Variants in SGO2 observed in about 807,000 individuals in gnomAD.
The protein encoded by SGO2 is shugoshin-like 2.
Under a neutral mutation model 99.5 loss-of-function variants are expected in SGO2, and 68 were observed. The observed-to-expected ratio is 0.68, with a 90% CI of 0.56 to 0.84. The LOEUF is 0.84. Among genes scored for constraint, SGO2 ranks in the 40% least tolerant of loss-of-function variants. SGO2 has a pLI of 0.00. For synonymous variants in SGO2, 457 were observed against 487.1 expected (o/e 0.94, Z 0.81); for missense variants, 1,350 against 1,436.7 (o/e 0.94, Z 0.97).
intron 5 of SGO2, among the ~76,000 whole-genome samples, chr2:200,558,664 C>T (rs842931): frequency 0.79 from 120,127 of 151,312 alleles, 47,828 homozygotes; most frequent in Non-Finnish European, 0.83. Flanking sequence ...TATAGTATGC[C>T]GGTCACTGTA....
At chr2:200,581,578 C>A (rs1423359604) in intron 8 of SGO2, among the ~76,000 whole-genome samples, 1 of 152,086 alleles carries the variant, frequency 6.6e-6, no homozygotes, top group African/African-American at 2.4e-5. Flanking sequence ...ATCTTCAATA[C>A]CTATGATGAT....
chr2:200,529,932 A>G (rs1299633993), intron 1 of SGO2, among the ~76,000 whole-genome samples: 2 of 152,218 alleles, frequency 1.3e-5, no homozygotes, highest in Non-Finnish European at 2.9e-5. Context: ...GATGTTTCTA[A>G]ACAGCATTTA....
rs781112229 is a variant in SGO2, at chr2:200,542,606, G to C, written c.415G>C (p.Ala139Pro). The C allele has an allele frequency of 6.2e-7, 1 of 1,612,574 alleles. No homozygotes were observed. Among genetic ancestry groups the C allele is most frequent in the East Asian group, 2.2e-5 (1 of 44,748 alleles). The change falls in exon 5 of 9, where the codon GCT (alanine) becomes CCT (proline). Residue 139 changes from alanine (A) to proline (P), a missense_variant. By Grantham distance (27) the Ala-to-Pro change is conservative. Transcript: ENST00000357799. ...EFHQSSFLLSASKKKRISKQC... is the reference protein window; with the variant it reads ...EFHQSSFLLSPSKKKRISKQC... The stretch of plus-strand genomic sequence containing the variant: ...CCATCAGAGTTCCTTTCTACTGTCA[G>C]CTAGCAAGAAGAAACGAATTAGTAA...
intron 3 of SGO2, 85 bp downstream of exon 3, chr2:200,535,256 CA>C (rs1470663721): frequency 1.2e-5 from 15 of 1,242,350 alleles, no homozygotes; most frequent in Non-Finnish European, 1.5e-5. Context: ...AAATATTTTT[CA>C]AATCTCCAAT....
chr2:200,536,302 G>A (rs180852882), intron 4 of SGO2, among the ~76,000 whole-genome samples, 160 bp downstream of exon 4: 151 of 152,150 alleles, frequency 9.9e-4, no homozygotes, highest in African/African-American at 3.5e-3. Flanking sequence ...TTATCATTTT[G>A]TATAATTGGT....
chr2:200,545,066 G>C (rs923645004), intron 5 of SGO2, among the ~76,000 whole-genome samples: 2 of 152,152 alleles, frequency 1.3e-5, no homozygotes, highest in African/African-American at 4.8e-5. Flanking sequence ...GAGTGTAGTG[G>C]TGCAATCTCA....
chr2:200,565,257 G>T (rs906720538), intron 5 of SGO2, among the ~76,000 whole-genome samples: 1 of 152,134 alleles, frequency 6.6e-6, no homozygotes, highest in Non-Finnish European at 1.5e-5. Context: ...GGCAGTCCTG[G>T]TGGTGACAAA....
chr2:200,542,525 A>T, intron 4 of SGO2, 54 bp from the exon 5 acceptor site: 1 of 1,387,216 alleles, frequency 7.2e-7, no homozygotes, highest in Admixed American at 1.9e-5. Context: ...TGTGATAACT[A>T]ACATGATTTA....
At chr2:200,579,270 G>A (rs2033761760) in intron 8 of SGO2, among the ~76,000 whole-genome samples, 1 of 152,144 alleles carries the variant, frequency 6.6e-6, no homozygotes, top group Non-Finnish European at 1.5e-5. Flanking sequence ...CTCACTGATT[G>A]TCTTGAGTTC....
intron 4 of SGO2, 52 bp from the exon 5 acceptor site, chr2:200,542,527 C>A: frequency 7.1e-7 from 1 of 1,401,312 alleles, no homozygotes; most frequent in Non-Finnish European, 9.9e-7. Context: ...TGATAACTAA[C>A]ATGATTTAAT....
At chr2:200,557,950 G>C (rs2032785789) in intron 5 of SGO2, among the ~76,000 whole-genome samples, 1 of 147,676 alleles carries the variant, frequency 6.8e-6, no homozygotes, top group Non-Finnish European at 1.5e-5. Flanking sequence ...TGCAACCTCT[G>C]CCTCCTGGGT....
chr2:200,535,022 T>C lies in SGO2; in HGVS notation c.160T>C (p.Leu54=), dbSNP rs771902811. 1.3e-6 allele frequency: 2 copies of C among 1,534,262 alleles called. No individual in the cohort carries two copies. The highest frequency in any genetic ancestry group is 1.7e-6 in the Non-Finnish European group (2 of 1,153,220). Residue 54 remains leucine, a synonymous_variant, in exon 3 of 9, where the codon TTA becomes CTA. Transcript: ENST00000357799. ...LNNSSIFKIS[L]KHNNRALAQA... ...TAATTCTTCTATTTTCAAAATATCT[T>C]TAAAGCACAACAACAGGGCATTAGC...
In SGO2 at chr2:200,569,884, C is replaced by T; in HGVS notation, c.695C>T (p.Pro232Leu). The T allele has an allele frequency of 1.9e-6, 3 of 1,567,734 alleles. No individual in the cohort carries two copies. The highest frequency in any genetic ancestry group is 2.6e-6 in the Non-Finnish European group (3 of 1,141,642). Reference protein sequence around the residue: ...SEHISSIVDVPPRESHSHSDQ... With the variant: ...SEHISSIVDVLPRESHSHSDQ... ...CATATTTCTTCTATAGTTGATGTAC[C>T]TCCCAGAGGTGAGATTGTTTTAAAA... The change falls in exon 6 of 9, where the codon CCT becomes CTT. Residue 232 changes from proline to leucine, a missense_variant. Pro to Leu is a moderately conservative substitution (Grantham distance 98). Transcript: ENST00000357799.
chr2:200,528,702 G>C (rs2031221970), intron 1 of SGO2, among the ~76,000 whole-genome samples: 1 of 152,154 alleles, frequency 6.6e-6, no homozygotes, highest in African/African-American at 2.4e-5. Context: ...TAAAAGCCAG[G>C]ATACTGGCTG....
chr2:200,569,752 T>C lies in SGO2; in HGVS notation c.563T>C (p.Ile188Thr), dbSNP rs1264592234. 1.2e-6 allele frequency: 2 copies of C among 1,612,796 alleles called. No individual in the cohort carries two copies. The highest frequency in any genetic ancestry group is 8.5e-7 in the Non-Finnish European group (1 of 1,179,016). ...NNIKSKTLPD[I>T]PSSGSTTQPL... ...ATTAAATCAAAGACATTACCTGATA[T>C]TCCCTCTTCAGGATCAACAACACAA... Residue 188 changes from isoleucine (I) to threonine (T), a missense_variant, in exon 6 of 9, where the codon ATT (isoleucine) becomes ACT (threonine). Transcript: ENST00000357799.
Position 200,569,726 on chromosome 2 carries a change from T to C in SGO2, c.537T>C (p.Asn179=), listed in dbSNP as rs376652892. 483 of 1,613,016 alleles carry C rather than the reference T, an allele frequency of 3.0e-4. 2 individuals are homozygous for C. In the African/African-American group the frequency reaches 5.6e-3, roughly 19 times the overall value. The part of the protein sequence containing the change: ...EDKEKMQCDN[N]IKSKTLPDIP... ...AAGAGAAAATGCAGTGTGACAACAA[T>C]ATTAAATCAAAGACATTACCTGATA... The change falls in exon 6 of 9, where the codon AAT becomes AAC. Residue 179 remains asparagine, a synonymous_variant. Coordinates refer to ENST00000357799, the MANE Select transcript of SGO2 (RefSeq NM_152524.6).
chr2:200,575,350 T>G lies in SGO2; in HGVS notation c.3671T>G (p.Val1224Gly). Residue 1224 changes from valine (V) to glycine (G), a missense_variant, in exon 8 of 9, where the codon GTT becomes GGT. Val to Gly is a moderately radical substitution (Grantham distance 109). Coordinates refer to ENST00000357799, the MANE Select transcript of SGO2 (RefSeq NM_152524.6). ...CAGGACTTGTCAAATACCAGTTTTG[T>G]TTCAAATAACACTGCTGAATCTGAA... Reference protein sequence around the residue: ...PLQDLSNTSFVSNNTAESENK... With the variant: ...PLQDLSNTSFGSNNTAESENK... 6.2e-7 allele frequency: 1 copy of G among 1,606,330 alleles called. No individual in the cohort carries two copies. The highest frequency in any genetic ancestry group is 1.1e-5 in the South Asian group (1 of 89,956).
intron 5 of SGO2, among the ~76,000 whole-genome samples, chr2:200,567,918 A>T (rs2033252562): frequency 6.6e-6 from 1 of 152,244 alleles, no homozygotes; most frequent in Non-Finnish European, 1.5e-5. Flanking sequence ...TGCAATAAAC[A>T]TTCATGTACA....
chr2:200,568,670 CTG>C (rs2033284535), intron 5 of SGO2, among the ~76,000 whole-genome samples: 2 of 152,170 alleles, frequency 1.3e-5, no homozygotes, highest in East Asian at 3.9e-4. Context: ...ACCAATAAGA[CTG>C]TAGGTTTCCA....
Sources: allele counts gnomAD v4.1 joint callset (sites outside exome capture counted in the v4.1 genomes callset), GRCh38; gene constraint gnomAD v4.1.1; transcripts MANE v1.5; gene names NCBI Gene and HGNC (gene_info 2026-07-23, HGNC 2026-07-21).